The following CCDC6 variants were observed in gnomAD, a reference collection of about 807,000 sequenced individuals.
CCDC6 encodes the protein coiled-coil domain-containing protein 6.
In CCDC6, 20 loss-of-function variants were observed where a neutral mutation model predicts 56.6. That is an observed-to-expected ratio of 0.35 (90% CI 0.25 to 0.51). The LOEUF (loss-of-function observed/expected upper bound fraction) is 0.51. Among genes scored for constraint, CCDC6 ranks in the 20% least tolerant of loss-of-function variants. The probability of loss-of-function intolerance (pLI) is 0.95; values close to 1 mark genes in which losing one functional copy is unlikely to be tolerated. For synonymous variants in CCDC6, 241 were observed against 234.4 expected (o/e 1.03, Z -0.26); for missense variants, 367 against 601.1 (o/e 0.61, Z 4.07).
chr10:59,857,873 C>T (rs1190689901), intron 1 of CCDC6, among the ~76,000 whole-genome samples: 3 of 152,042 alleles, frequency 2.0e-5, no homozygotes, highest in Non-Finnish European at 4.4e-5. Context: ...GCATCTGAAA[C>T]CACATTATTA....
At chr10:59,854,715 T>G (rs942052067) in intron 1 of CCDC6, among the ~76,000 whole-genome samples, 1 of 152,162 alleles carries the variant, frequency 6.6e-6, no homozygotes, top group African/African-American at 2.4e-5. Context: ...CTCTCAAACT[T>G]CAGGATTTCA....
intron 5 of CCDC6, among the ~76,000 whole-genome samples, chr10:59,811,212 C>T (rs982081702): frequency 6.6e-6 from 1 of 152,152 alleles, no homozygotes; most frequent in Non-Finnish European, 1.5e-5. Flanking sequence ...GAAAGTACTA[C>T]ACCATATTTC....
intron 1 of CCDC6, among the ~76,000 whole-genome samples, chr10:59,853,412 T>C (rs2071055366): frequency 6.6e-6 from 1 of 152,098 alleles, no homozygotes; most frequent in East Asian, 1.9e-4. Context: ...CACATGCCTG[T>C]GGTTCCAGCT....
intron 7 of CCDC6, among the ~76,000 whole-genome samples, 194 bp downstream of exon 7, chr10:59,804,226 T>C (rs895192988): frequency 1.3e-5 from 2 of 150,766 alleles, no homozygotes; most frequent in Non-Finnish European, 2.9e-5. Context: ...AAACACCAGC[T>C]GACACTCTAG....
chr10:59,793,108 G>T lies in CCDC6; in HGVS notation c.1234C>A (p.Pro412Thr). The T allele has an allele frequency of 6.2e-7, 1 of 1,613,726 alleles. No individual in the cohort carries two copies. The highest frequency in any genetic ancestry group is 1.1e-5 in the South Asian group (1 of 91,056). Residue 412 changes from proline to threonine, a missense_variant, in exon 9 of 9, where the codon CCT (proline) becomes ACT (threonine). Physicochemically the swap from Pro to Thr is conservative, Grantham distance 38. This residue lies in a region of CCDC6 where 79 missense variants were observed against 83.9 expected (regional missense o/e 0.94). Transcript: ENST00000263102. ...GGACTGTTGCTTCTCCGTGGTGAAGGCCTCTGCAGAGGGGACAGGAACAGC... is the reference window on the plus strand; with the variant it reads ...GGACTGTTGCTTCTCCGTGGTGAAGTCCTCTGCAGAGGGGACAGGAACAGC... ...HMGTSHGITR[P>T]SPRRSNSPDK...
At chr10:59,838,368 A>T (rs1353890980) in intron 2 of CCDC6, among the ~76,000 whole-genome samples, 1 of 152,126 alleles carries the variant, frequency 6.6e-6, no homozygotes, top group Non-Finnish European at 1.5e-5. Context: ...TCATCCTAGC[A>T]CAAGTCCTAT....
intron 1 of CCDC6, among the ~76,000 whole-genome samples, chr10:59,889,378 C>T (rs534891155): frequency 1.3e-5 from 2 of 152,318 alleles, no homozygotes; most frequent in South Asian, 4.1e-4. Context: ...ACAAGTCAGC[C>T]TGCTGTTTCA....
chr10:59,810,855 G>T (rs1435101834), intron 5 of CCDC6, among the ~76,000 whole-genome samples: 1 of 152,088 alleles, frequency 6.6e-6, no homozygotes, highest in Non-Finnish European at 1.5e-5. Flanking sequence ...TAAGTTAAGG[G>T]GCTTGAGATG....
intron 7 of CCDC6, among the ~76,000 whole-genome samples, chr10:59,800,555 A>G (rs891720150): frequency 6.6e-6 from 1 of 152,152 alleles, no homozygotes; most frequent in East Asian, 1.9e-4. Flanking sequence ...ATAACTTTTT[A>G]AAGGGTATAC....
rs749586996 is a variant in CCDC6, at chr10:59,852,537, A to G, written c.453+16T>C. 8.3e-6 allele frequency: 13 copies of G among 1,560,618 alleles called. No individual in the cohort carries two copies. The highest frequency in any genetic ancestry group is 1.0e-5 in the Non-Finnish European group (12 of 1,159,752). On this transcript the variant is annotated intron_variant, in intron 2 of 8. Coordinates refer to ENST00000263102, the MANE Select transcript of CCDC6 (RefSeq NM_005436.5). ...AAATAGGCAGGGAAGATGAGGGAGT[A>G]GAAAAGATAATTTACCTGCATCAAT...
intron 1 of CCDC6, among the ~76,000 whole-genome samples, chr10:59,860,063 C>CT (rs2071115044): frequency 6.6e-6 from 1 of 152,170 alleles, no homozygotes; most frequent in Non-Finnish European, 1.5e-5. Context: ...GTCTAGGCAA[C>CT]AGAGCGAGAT....
At chr10:59,813,994 G>A (rs111819691) in intron 4 of CCDC6, among the ~76,000 whole-genome samples, 21 of 151,976 alleles carry the variant, frequency 1.4e-4, no homozygotes, top group Admixed American at 3.3e-4. Flanking sequence ...TTTTACACCC[G>A]TACACACATT....
intron 1 of CCDC6, among the ~76,000 whole-genome samples, chr10:59,885,375 G>C (rs1245121017): frequency 6.6e-6 from 1 of 152,108 alleles, no homozygotes; most frequent in East Asian, 1.9e-4. Context: ...CATTTTTGCA[G>C]GTCAAATTTA....
intron 3 of CCDC6, among the ~76,000 whole-genome samples, chr10:59,819,238 A>T (rs1477270418): frequency 3.9e-5 from 6 of 152,202 alleles, no homozygotes; most frequent in African/African-American, 1.4e-4. Context: ...GTTTCCAAGA[A>T]CTATACTGAC....
At chr10:59,876,091 T>TTTTTTTTTTTTTTTTTC (rs1564754331) in intron 1 of CCDC6, among the ~76,000 whole-genome samples, 1 of 146,280 alleles carries the variant, frequency 6.8e-6, no homozygotes, top group African/African-American at 2.6e-5. Flanking sequence ...TTTTTTTTTT[T>TTTTTTTTTTTTTTTTTC]CAGATCGAGT....
At chr10:59,876,027 CA>C (rs762890769) in intron 1 of CCDC6, among the ~76,000 whole-genome samples, 1 of 142,520 alleles carries the variant, frequency 7.0e-6, no homozygotes, top group Non-Finnish European at 1.5e-5. Context: ...ATGCCAAGCA[CA>C]TGGCCAACAA....
At chr10:59,843,061 T>G (rs1260350576) in intron 2 of CCDC6, among the ~76,000 whole-genome samples, 1 of 152,054 alleles carries the variant, frequency 6.6e-6, no homozygotes, top group African/African-American at 2.4e-5. Flanking sequence ...CCTTTTTTTG[T>G]ATTTTTAGTA....
chr10:59,843,926 G>C (rs2070965685), intron 2 of CCDC6, among the ~76,000 whole-genome samples: 1 of 152,124 alleles, frequency 6.6e-6, no homozygotes, highest in African/African-American at 2.4e-5. Context: ...TGCAGCCCCA[G>C]CTCCATACAA....
intron 2 of CCDC6, among the ~76,000 whole-genome samples, chr10:59,837,292 T>C (rs1377338613): frequency 6.6e-6 from 1 of 152,236 alleles, no homozygotes; most frequent in Non-Finnish European, 1.5e-5. Flanking sequence ...CGCTGGATGC[T>C]GAGAGCACCT....
Sources: allele counts gnomAD v4.1 joint callset (sites outside exome capture counted in the v4.1 genomes callset), GRCh38; gene constraint gnomAD v4.1.1; regional missense constraint gnomAD v4.1.1; transcripts MANE v1.5; gene names NCBI Gene and HGNC (gene_info 2026-07-23, HGNC 2026-07-21).